AGBL4: variants seen among roughly 807,000 people sequenced by gnomAD.
AGBL4 encodes the protein cytosolic carboxypeptidase 6.
AGBL4 carries 58 observed loss-of-function variants against 66.4 expected under a neutral mutation model. The observed-to-expected ratio is 0.87, with a 90% CI of 0.71 to 1.09. AGBL4 has a LOEUF of 1.09. AGBL4 is among the 50% of genes least tolerant of loss of function. The pLI, the probability that AGBL4 is intolerant of heterozygous loss-of-function variation, is 0.00. For missense variants in AGBL4, 579 were observed against 631.0 expected, an observed-to-expected ratio of 0.92 and a Z score of 0.88; for synonymous variants, 234 against 222.9, an observed-to-expected ratio of 1.05 and a Z score of -0.44.
At position 49,335,102 on chromosome 1, in the gene AGBL4, C is replaced by G. The variant is rs143585798; in HGVS notation, c.283-89238G>C. Among the ~76,000 whole-genome samples the G allele has an allele frequency of 4.1e-4, 63 of 152,298 alleles. 1 individual carries two copies. The East Asian group carries it at 0.012, about 28-fold the overall frequency. On this transcript the variant is annotated intron_variant, in intron 3 of 13. Transcript: ENST00000371839. ...AATAGGCATCTTAGACTTCATATGG[C>G]CAAAACAGAATTTTTGATATATCAT... is the stretch of plus-strand genomic sequence containing the variant.
At chr1:48,922,724 A>G (rs1348695277) in intron 5 of AGBL4, among the ~76,000 whole-genome samples, 7 of 152,218 alleles carry the variant, frequency 4.6e-5, no homozygotes, top group Admixed American at 4.6e-4. Context: ...ATATACTGTA[A>G]TGTACTTGAG....
At chr1:48,564,211 C>T (rs1184138304) in intron 11 of AGBL4, among the ~76,000 whole-genome samples, 2 of 152,092 alleles carry the variant, frequency 1.3e-5, no homozygotes, top group Non-Finnish European at 2.9e-5. Context: ...TTGTTGCTAT[C>T]CAATCCGTTC....
chr1:49,962,716 G>C (rs1657218137), intron 1 of AGBL4, among the ~76,000 whole-genome samples: 1 of 152,080 alleles, frequency 6.6e-6, no homozygotes, highest in Admixed American at 6.6e-5. Flanking sequence ...CTCATTTTTA[G>C]AAACAATGGA....
chr1:48,938,285 C>T (rs1183523085), intron 5 of AGBL4, among the ~76,000 whole-genome samples: 1 of 152,176 alleles, frequency 6.6e-6, no homozygotes, highest in South Asian at 2.1e-4. Flanking sequence ...AGGCTCTGTG[C>T]TATGCTGTGC....
chr1:48,822,005 A>G (rs982583439), intron 6 of AGBL4, among the ~76,000 whole-genome samples: 1 of 152,228 alleles, frequency 6.6e-6, no homozygotes, highest in South Asian at 2.1e-4. Context: ...AATTAAAGCC[A>G]TAAGGAAATA....
intron 2 of AGBL4, among the ~76,000 whole-genome samples, chr1:49,815,541 G>A (rs1269569225): frequency 3.3e-5 from 5 of 152,046 alleles, no homozygotes; most frequent in African/African-American, 4.8e-5. Context: ...CCTAGCAGTG[G>A]GATTGCTGGA....
At chr1:48,926,963 T>C (rs1436882208) in intron 5 of AGBL4, among the ~76,000 whole-genome samples, 4 of 152,190 alleles carry the variant, frequency 2.6e-5, no homozygotes, top group Admixed American at 1.3e-4. Flanking sequence ...GCAGGAGTAA[T>C]GGCTGAGAGA....
intron 1 of AGBL4, among the ~76,000 whole-genome samples, chr1:49,919,836 C>G: frequency 6.6e-6 from 1 of 152,212 alleles, no homozygotes; most frequent in Non-Finnish European, 1.5e-5. Context: ...TGACTTCAAA[C>G]TATACTACAA....
chr1:48,895,514 T>C (rs1465464538), intron 5 of AGBL4, among the ~76,000 whole-genome samples: 14 of 152,230 alleles, frequency 9.2e-5, no homozygotes, highest in Non-Finnish European at 1.5e-5. Flanking sequence ...TGGAAATCTT[T>C]CCCTAATGAG....
At chr1:48,778,216 C>G (rs1440693835) in intron 6 of AGBL4, among the ~76,000 whole-genome samples, 1 of 151,700 alleles carries the variant, frequency 6.6e-6, no homozygotes, top group African/African-American at 2.4e-5. Flanking sequence ...TTCCTTTATT[C>G]AAGCAACCAA....
intron 3 of AGBL4, among the ~76,000 whole-genome samples, chr1:49,566,950 T>C (rs1054377558): frequency 6.6e-6 from 1 of 152,210 alleles, no homozygotes; most frequent in Non-Finnish European, 1.5e-5. Flanking sequence ...TCCACCCAGT[T>C]TGAGCTTCCC....
At chr1:49,484,561 C>T (rs1258265121) in intron 3 of AGBL4, among the ~76,000 whole-genome samples, 1 of 151,852 alleles carries the variant, frequency 6.6e-6, no homozygotes, top group Admixed American at 6.6e-5. Flanking sequence ...AACAATTGAA[C>T]TCATGGAGAC....
chr1:49,134,348 C>G (rs1321457684), intron 4 of AGBL4, among the ~76,000 whole-genome samples: 1 of 152,036 alleles, frequency 6.6e-6, no homozygotes, highest in East Asian at 1.9e-4. Context: ...ACCGGTCTGA[C>G]TAGAATTTGC....
chr1:49,315,547 A>G (rs892100120), intron 3 of AGBL4, among the ~76,000 whole-genome samples: 2 of 152,216 alleles, frequency 1.3e-5, no homozygotes, highest in Non-Finnish European at 2.9e-5. Flanking sequence ...CAAATTTACA[A>G]GAAAAAAACA....
chr1:49,535,493 C>T (rs1391343077), intron 3 of AGBL4, among the ~76,000 whole-genome samples: 1 of 151,068 alleles, frequency 6.6e-6, no homozygotes, highest in Non-Finnish European at 1.5e-5. Flanking sequence ...CCAAACCAGA[C>T]AACTTAAAAG....
chr1:49,851,121 A>C (rs1344213153), intron 2 of AGBL4, among the ~76,000 whole-genome samples: 1 of 152,100 alleles, frequency 6.6e-6, no homozygotes, highest in Admixed American at 6.6e-5. Context: ...GTTTTATTCC[A>C]AAAAAATAAT....
intron 1 of AGBL4, among the ~76,000 whole-genome samples, chr1:49,922,916 T>A (rs977042375): frequency 6.6e-6 from 1 of 152,146 alleles, no homozygotes; most frequent in African/African-American, 2.4e-5. Context: ...TTGATGCTAT[T>A]CCTATTAAAT....
At chr1:48,548,238 C>CAAG (rs3029861) in intron 11 of AGBL4, among the ~76,000 whole-genome samples, 1 of 151,368 alleles carries the variant, frequency 6.6e-6, no homozygotes, top group Non-Finnish European at 1.5e-5. Flanking sequence ...GTGCTGGGGC[C>CAAG]AAGAAGAAGA....
intron 4 of AGBL4, among the ~76,000 whole-genome samples, chr1:49,164,175 G>A (rs141568171): frequency 4.6e-5 from 7 of 152,194 alleles, no homozygotes; most frequent in Admixed American, 1.3e-4. Flanking sequence ...TGTAAGGGTC[G>A]TGTAGGAGTG....
Sources: allele counts gnomAD v4.1 joint callset (sites outside exome capture counted in the v4.1 genomes callset), GRCh38; gene constraint gnomAD v4.1.1; transcripts MANE v1.5; gene names NCBI Gene and HGNC (gene_info 2026-07-23, HGNC 2026-07-21).